TOB2: variants seen among roughly 807,000 people sequenced by gnomAD.
TOB2 encodes transducer of ERBB2, 2.
A neutral mutation model predicts 17.3 loss-of-function variants in TOB2; 3 were observed. The ratio of observed to expected loss-of-function variants is 0.17; its 90% CI spans 0.08 to 0.45. The LOEUF is 0.45. Among genes scored for constraint, TOB2 ranks in the 20% least tolerant of loss-of-function variants. The probability of loss-of-function intolerance (pLI) is 0.99; values close to 1 mark genes in which losing one functional copy is unlikely to be tolerated. For missense variants in TOB2, 407 were observed against 445.7 expected, an observed-to-expected ratio of 0.91 and a Z score of 0.78; for synonymous variants, 163 against 185.6, an observed-to-expected ratio of 0.88 and a Z score of 0.99.
At chr22:41,441,000 A>C (rs1217986700) in intron 1 of TOB2, among the ~76,000 whole-genome samples, 1 of 152,070 alleles carries the variant, frequency 6.6e-6, no homozygotes, top group Non-Finnish European at 1.5e-5. Flanking sequence ...GACCAATTTC[A>C]GGGCTTTTTT....
rs754379343 is a variant in TOB2 at position 41,436,779 on chromosome 22, A to G, written c.567T>C (p.Thr189=). The change falls in exon 2 of 2, where the codon ACT becomes ACC. Residue 189 remains threonine (T), a synonymous_variant. Transcript: ENST00000327492. The surrounding 1 kb of genome is among the most constrained non-coding windows in gnomAD (Gnocchi z 4.8). ...CTGCCCCGCCCCCCTTCTTCATCTT[A>G]GTGGAGCCAAATTTGGTGGCAGCGA... ...ASFAATKFGS[T]KMKKGGGAAS... is the part of the protein sequence containing the mutation. 6.2e-7 allele frequency: 1 copy of G among 1,613,844 alleles called. No individual in the cohort carries two copies. Among genetic ancestry groups the G allele is most frequent in the Admixed American group, 1.7e-5 (1 of 60,008 alleles).
At chr22:41,445,122 C>T (rs1164385980) in intron 1 of TOB2, among the ~76,000 whole-genome samples, 1 of 152,248 alleles carries the variant, frequency 6.6e-6, no homozygotes. Flanking sequence ...GGGCCCAAGC[C>T]TCACCCCATT....
chr22:41,443,079 CACTTGTTT>C (rs1388656671), intron 1 of TOB2, among the ~76,000 whole-genome samples: 1 of 152,188 alleles, frequency 6.6e-6, no homozygotes, highest in Non-Finnish European at 1.5e-5. Flanking sequence ...ATTTTATCCT[CACTTGTTT>C]ACTTCCAGCA....
chr22:41,445,469 TAAG>T (rs774789220), intron 1 of TOB2, among the ~76,000 whole-genome samples: 11 of 151,868 alleles, frequency 7.2e-5, no homozygotes, highest in Non-Finnish European at 1.0e-4. Context: ...GTACGGTGGG[TAAG>T]AAGGAGAAAA....
chr22:41,438,943 G>A (rs960325175), intron 1 of TOB2, among the ~76,000 whole-genome samples: 1 of 152,134 alleles, frequency 6.6e-6, no homozygotes, highest in East Asian at 1.9e-4. Context: ...GATTTATCAA[G>A]TGTTTTGAGA....
chr22:41,445,832 G>A (rs2037678674), intron 1 of TOB2, among the ~76,000 whole-genome samples: 2 of 152,184 alleles, frequency 1.3e-5, no homozygotes, highest in African/African-American at 2.4e-5. Context: ...CTCTGGCTCA[G>A]TGGCCCAAGG....
At chr22:41,440,496 C>A (rs977716358) in intron 1 of TOB2, among the ~76,000 whole-genome samples, 2 of 151,932 alleles carry the variant, frequency 1.3e-5, no homozygotes, top group African/African-American at 4.8e-5. Context: ...CAGCCTCCAC[C>A]TCCCTGGGCT....
chr22:41,437,698 G>A (rs971511540), intron 1 of TOB2, among the ~76,000 whole-genome samples: 2 of 151,998 alleles, frequency 1.3e-5, no homozygotes, highest in Non-Finnish European at 2.9e-5. Flanking sequence ...ATGCCTGTAA[G>A]CCCAGCACTT....
chr22:41,442,176 G>A (rs1249496114), intron 1 of TOB2, among the ~76,000 whole-genome samples: 11 of 151,916 alleles, frequency 7.2e-5, no homozygotes, highest in Non-Finnish European at 1.5e-5. Context: ...TAAAGACAGT[G>A]TTTCCAAAGT....
Position 41,446,645 on chromosome 22 carries a change from G to T in TOB2, c.-329C>A. ...GCGGGCGGACTAGCGGCGACGACGC[G>T]GGGATGGCGGATCGGAGGGTGGTTC... On this transcript the variant is annotated 5_prime_UTR_variant, in exon 1 of 2. Transcript: ENST00000327492. 1 of 153,106 alleles carries T rather than the reference G, an allele frequency of 6.5e-6. No homozygotes were observed. The highest frequency in any genetic ancestry group is 1.8e-4 in the South Asian group (1 of 5,436). The allele number at this position is 153,106 out of a possible 1,614,324, so 9.5% of individuals were successfully genotyped here. A position where few individuals can be genotyped will look rare whatever the true frequency, so the allele number is the denominator to read the frequency against.
At chr22:41,444,527 C>A (rs945067453) in intron 1 of TOB2, among the ~76,000 whole-genome samples, 1 of 152,220 alleles carries the variant, frequency 6.6e-6, no homozygotes, top group Non-Finnish European at 1.5e-5. Flanking sequence ...ACCTACTTTC[C>A]CTGCACACTA....
Position 41,437,262 on chromosome 22 carries a change from A to G in TOB2, c.84T>C (p.Phe28=). The change falls in exon 2 of 2, where the codon TTT becomes TTC. Residue 28 remains phenylalanine, a synonymous_variant. Coordinates refer to ENST00000327492, the MANE Select transcript of TOB2 (RefSeq NM_016272.4). ...TCAAAAGCCGCTCTAGCTCCTCCCC[A>G]AACAGGTCTGCCCGGCGCCGGGGCA... ...NKLPRRRADL[F]GEELERLLKK... 4 of 1,614,042 alleles carry G rather than the reference A, an allele frequency of 2.5e-6. No homozygotes were observed. The highest frequency in any genetic ancestry group is 1.7e-4 in the Middle Eastern group (1 of 6,060).
intron 1 of TOB2, among the ~76,000 whole-genome samples, chr22:41,445,511 A>G (rs2037674079): frequency 6.6e-6 from 1 of 152,168 alleles, no homozygotes; most frequent in African/African-American, 2.4e-5. Flanking sequence ...GTAGCACCAG[A>G]GACTGGCCTC....
rs1490724722 is a variant in TOB2 at position 41,437,012 on chromosome 22, G to A, written c.334C>T (p.Leu112=). The change falls in exon 2 of 2, where the codon CTG becomes TTG. Residue 112 remains leucine, a synonymous_variant. Transcript: ENST00000327492. ...CAACCCTCACTGTCATCCAGGTACAGCACTTTCACAGCTCCCTTCTCACCA... is the reference window on the plus strand; with the variant it reads ...CAACCCTCACTGTCATCCAGGTACAACACTTTCACAGCTCCCTTCTCACCA... The part of the protein sequence containing the change: ...QIGEKGAVKV[L]YLDDSEGCGA... 6.2e-7 allele frequency: 1 copy of A among 1,614,160 alleles called. No individual in the cohort carries two copies. The highest frequency in any genetic ancestry group is 8.5e-7 in the Non-Finnish European group (1 of 1,180,034).
Position 41,436,757 on chromosome 22 carries a change from C to T in TOB2, c.589G>A (p.Ala197Thr). The T allele has an allele frequency of 1.9e-6, 3 of 1,613,862 alleles. No individual in the cohort carries two copies. Among genetic ancestry groups the T allele is most frequent in the Non-Finnish European group, 2.5e-6 (3 of 1,179,896 alleles). ...CTGGCTACACCCCCACCACTTGCTGCCCCGCCCCCCTTCTTCATCTTAGTG... is the reference window on the plus strand; with the variant it reads ...CTGGCTACACCCCCACCACTTGCTGTCCCGCCCCCCTTCTTCATCTTAGTG... ...GSTKMKKGGG[A>T]ASGGGVASSG... Residue 197 changes from alanine (A) to threonine (T), a missense_variant, in exon 2 of 2, where the codon GCA (alanine) becomes ACA (threonine). Physicochemically the swap from Ala to Thr is moderately conservative, Grantham distance 58. Transcript: ENST00000327492. This position sits in a 1 kb window ranked among gnomAD's most constrained non-coding sequence, Gnocchi z 4.8.
chr22:41,437,471 T>C (rs1432661536), intron 1 of TOB2, 64 bp from the exon 2 acceptor site: 15 of 1,483,866 alleles, frequency 1.0e-5, no homozygotes, highest in East Asian at 9.2e-5. Context: ...CAGCTAGGGA[T>C]AGACAGAAAA....
intron 1 of TOB2, among the ~76,000 whole-genome samples, chr22:41,442,172 CAG>C (rs1196092767): frequency 2.6e-5 from 4 of 151,286 alleles, no homozygotes; most frequent in Non-Finnish European, 2.9e-5. Flanking sequence ...TTGTTAAAGA[CAG>C]TGTTTCCAAA....
chr22:41,442,844 C>G (rs1171435893), intron 1 of TOB2, among the ~76,000 whole-genome samples: 1 of 152,112 alleles, frequency 6.6e-6, no homozygotes, highest in Admixed American at 6.6e-5. Flanking sequence ...GATTAGAAAG[C>G]TTAGAAATAA....
Position 41,436,882 on chromosome 22 carries a change from G to A in TOB2, c.464C>T (p.Ser155Leu), listed in dbSNP as rs1205643291. Reference protein sequence around the residue: ...SQDSSLSNSPSPSFGQSPSPT... With the variant: ...SQDSSLSNSPLPSFGQSPSPT... ...GCTGGGTGACTGGCCAAAGGATGGC[G>A]ATGGGGAGTTGGACAGGGAGCTGTC... Residue 155 changes from serine to leucine, a missense_variant, in exon 2 of 2, where the codon TCG (serine) becomes TTG (leucine). Physicochemically the swap from Ser to Leu is moderately radical, Grantham distance 145. Transcript: ENST00000327492. This position sits in a 1 kb window ranked among gnomAD's most constrained non-coding sequence, Gnocchi z 4.8. 6 of 1,614,098 alleles carry A rather than the reference G, an allele frequency of 3.7e-6. No individual in the cohort carries two copies. The highest frequency in any genetic ancestry group is 1.1e-5 in the South Asian group (1 of 91,094).
Sources: allele counts gnomAD v4.1 joint callset (sites outside exome capture counted in the v4.1 genomes callset), GRCh38; gene constraint gnomAD v4.1.1; non-coding constraint Gnocchi (gnomAD v3.1); transcripts MANE v1.5; gene names NCBI Gene and HGNC (gene_info 2026-07-23, HGNC 2026-07-21).